MFSD11: variants seen among roughly 807,000 people sequenced by gnomAD.
MFSD11 encodes UNC93-like protein MFSD11.
Under a neutral mutation model 53.5 loss-of-function variants are expected in MFSD11, and 36 were observed. The ratio of observed to expected loss-of-function variants is 0.67; its 90% CI spans 0.52 to 0.89. The LOEUF (loss-of-function observed/expected upper bound fraction) is 0.89. MFSD11 is among the 40% of genes least tolerant of loss of function. The pLI, the probability that MFSD11 is intolerant of heterozygous loss-of-function variation, is 0.00. For missense variants in MFSD11, 530 were observed against 543.9 expected, an observed-to-expected ratio of 0.97 and a Z score of 0.25; for synonymous variants, 186 against 184.9, an observed-to-expected ratio of 1.01 and a Z score of -0.05.
intron 7 of MFSD11, among the ~76,000 whole-genome samples, chr17:76,752,298 G>T (rs2079122030): frequency 2.0e-5 from 3 of 152,112 alleles, no homozygotes; most frequent in African/African-American, 7.2e-5. Flanking sequence ...CATCAATCTT[G>T]GTGGATGAAT....
At chr17:76,797,113 G>A in the MFSD11 span, among the ~76,000 whole-genome samples, 1 of 152,138 alleles carries the variant, frequency 6.6e-6, no homozygotes, top group Non-Finnish European at 1.5e-5. Flanking sequence ...AAGTTGCAGT[G>A]AGCTGAGATC....
the MFSD11 span, among the ~76,000 whole-genome samples, chr17:76,794,715 T>G: frequency 9.5e-6 from 1 of 105,528 alleles, no homozygotes; most frequent in East Asian, 3.3e-4. Context: ...TGTTTTGAGA[T>G]GGAGTGTCAC....
the MFSD11 span, among the ~76,000 whole-genome samples, chr17:76,791,842 T>C: frequency 1.5e-5 from 2 of 130,884 alleles, no homozygotes; most frequent in African/African-American, 3.5e-5. Context: ...TTTTTGCTTG[T>C]TTTTTTTTTT....
chr17:76,769,684 A>C (rs2081211147), intron 9 of MFSD11, 62 bp from the exon 10 acceptor site: 2 of 1,337,626 alleles, frequency 1.5e-6, no homozygotes, highest in East Asian at 4.7e-5. Context: ...ATACTACTAG[A>C]TGGGAAGATA....
the MFSD11 span, among the ~76,000 whole-genome samples, chr17:76,790,452 G>T: frequency 7.0e-6 from 1 of 143,184 alleles, no homozygotes; most frequent in Non-Finnish European, 1.5e-5. Context: ...AGCAATTCTC[G>T]TGCCTCAGCC....
the MFSD11 span, among the ~76,000 whole-genome samples, chr17:76,799,955 C>T: frequency 0.75 from 104,301 of 139,394 alleles, 39,060 homozygotes; most frequent in African/African-American, 0.84. Flanking sequence ...TTTCTTTTTC[C>T]TTTTTTTTTT....
intron 3 of MFSD11, among the ~76,000 whole-genome samples, chr17:76,741,757 C>T (rs922958001): frequency 1.2e-4 from 19 of 152,104 alleles, no homozygotes; most frequent in Non-Finnish European, 2.2e-4. Flanking sequence ...CACTGCACTC[C>T]AGCCTAGGCA....
chr17:76,743,546 C>G (rs189063043), intron 6 of MFSD11, 90 bp downstream of exon 6: 1 of 782,618 alleles, frequency 1.3e-6, no homozygotes, highest in African/African-American at 1.8e-5. Context: ...ATTCAAGCAT[C>G]GTTCTCATGA....
the MFSD11 span, among the ~76,000 whole-genome samples, chr17:76,788,712 G>C: frequency 6.8e-6 from 1 of 147,164 alleles, no homozygotes; most frequent in African/African-American, 2.5e-5. Flanking sequence ...AATTAGCCAG[G>C]CTTGGTGGCA....
chr17:76,741,768 A>G (rs1401054320), intron 3 of MFSD11, among the ~76,000 whole-genome samples: 1 of 152,180 alleles, frequency 6.6e-6, no homozygotes, highest in African/African-American at 2.4e-5. Flanking sequence ...AGCCTAGGCA[A>G]TGGAGTGAGA....
intron 3 of MFSD11, 116 bp from the exon 4 acceptor site, chr17:76,741,853 C>A: frequency 2.7e-6 from 4 of 1,506,388 alleles, no homozygotes; most frequent in Non-Finnish European, 3.6e-6. Context: ...CTGGAGCGAT[C>A]CTTTACAGGT....
chr17:76,758,144 C>T (rs562813461), intron 8 of MFSD11, among the ~76,000 whole-genome samples: 56 of 152,252 alleles, frequency 3.7e-4, no homozygotes, highest in African/African-American at 1.3e-3. Flanking sequence ...AGCCCATGCT[C>T]ATAGAGGAAT....
At chr17:76,744,579 C>A in intron 7 of MFSD11, 113 bp downstream of exon 7, 6 of 885,912 alleles carry the variant, frequency 6.8e-6, no homozygotes, top group Admixed American at 3.3e-5. Flanking sequence ...CTGTAGGTTA[C>A]CACAGGCAAG....
At chr17:76,755,819 T>TG (rs2079556378) in intron 8 of MFSD11, among the ~76,000 whole-genome samples, 1 of 56,616 alleles carries the variant, frequency 1.8e-5, no homozygotes, top group Non-Finnish European at 3.4e-5. Context: ...TATATTTTTT[T>TG]TTTTTTTTTT....
intron 11 of MFSD11, among the ~76,000 whole-genome samples, chr17:76,775,392 C>A (rs887495532): frequency 2.0e-5 from 3 of 152,096 alleles, no homozygotes; most frequent in Admixed American, 1.3e-4. Flanking sequence ...CCCACTAAAT[C>A]TTTTTCTTGA....
intron 7 of MFSD11, among the ~76,000 whole-genome samples, chr17:76,753,583 G>A (rs1432109844): frequency 6.6e-6 from 1 of 151,790 alleles, no homozygotes; most frequent in Admixed American, 6.6e-5. Context: ...TGAGGTGGGA[G>A]GATGGCTGGT....
chr17:76,742,650 C>T (rs1439427868), intron 5 of MFSD11, among the ~76,000 whole-genome samples: 1 of 151,946 alleles, frequency 6.6e-6, no homozygotes, highest in Non-Finnish European at 1.5e-5. Context: ...TTACAGGCGC[C>T]CACCACCACG....
Position 76,754,008 on chromosome 17 carries a change from A to G in MFSD11, c.642-39A>G, listed in dbSNP as rs548058656. 7 of 1,556,550 alleles carry G rather than the reference A, an allele frequency of 4.5e-6. No individual in the cohort carries two copies. In the African/African-American group the frequency reaches 6.9e-5, roughly 15 times the overall value. ...ATCGTATGTTTGTTCTTTTATTTTCAAAAAGAAAAAACTTATTTTTTACAT... is the reference window on the plus strand; with the variant it reads ...ATCGTATGTTTGTTCTTTTATTTTCGAAAAGAAAAAACTTATTTTTTACAT... On this transcript the variant is annotated intron_variant, in intron 7 of 12. Coordinates refer to ENST00000685175, the MANE Select transcript of MFSD11 (RefSeq NM_001242532.5).
intron 10 of MFSD11, among the ~76,000 whole-genome samples, chr17:76,772,141 G>A (rs746724014): frequency 1.2e-4 from 18 of 152,036 alleles, no homozygotes; most frequent in Non-Finnish European, 2.1e-4. Context: ...GCGAAAATAG[G>A]CCAGGCACAG....
Sources: gnomAD v4.1 joint callset for allele counts (sites outside exome capture counted in the v4.1 genomes callset) on GRCh38, gnomAD v4.1.1 for gene constraint, MANE v1.5 for transcripts, NCBI Gene and HGNC (gene_info 2026-07-23, HGNC 2026-07-21) for gene names.